Variants in ME3 observed in about 807,000 individuals in gnomAD.
The protein encoded by ME3 is malic enzyme 3, also known as NADP-dependent malic enzyme, mitochondrial.
ME3 carries 48 observed loss-of-function variants against 68.9 expected under a neutral mutation model. The ratio of observed to expected loss-of-function variants is 0.70; its 90% CI spans 0.55 to 0.89. The LOEUF is 0.89. ME3 is among the 40% of genes least tolerant of loss of function. ME3 has a pLI of 0.00. For missense variants in ME3, 675 were observed against 797.4 expected (o/e 0.85, Z 1.85); for synonymous variants, 320 against 318.8 (o/e 1.00, Z -0.04).
In ME3 at chr11:86,574,401, G is replaced by GTC. The variant is rs759945951; in HGVS notation, c.184-14579_184-14578insGA. ...TTTGGATGGGGTATTTGTTGCCGGG[G>GTC]GGGGGGGGGGTGTCTTTTTTGTTGA... On this transcript the variant is annotated intron_variant, in intron 2 of 14. Transcript: ENST00000543262. Among the ~76,000 whole-genome samples the GTC allele has an allele frequency of 3.2e-3, 192 of 59,730 alleles. 6 individuals are homozygous for GTC. Among genetic ancestry groups the GTC allele is most frequent in the Non-Finnish European group, 5.4e-3 (110 of 20,322 alleles). The allele number at this position is 59,730 out of a possible 152,430, so 39.2% of individuals were successfully genotyped here.
intron 2 of ME3, among the ~76,000 whole-genome samples, chr11:86,668,570 C>T (rs945686577): frequency 6.6e-6 from 1 of 152,190 alleles, no homozygotes; most frequent in Non-Finnish European, 1.5e-5. Flanking sequence ...GGGGCTGTCT[C>T]CTATGATCCT....
chr11:86,458,896 A>G (rs972731481), intron 8 of ME3, among the ~76,000 whole-genome samples: 9 of 152,162 alleles, frequency 5.9e-5, no homozygotes, highest in African/African-American at 1.4e-4. Context: ...AGCCTGTGCA[A>G]AGTCCCCCAC....
At chr11:86,647,115 G>A (rs147302864) in intron 2 of ME3, among the ~76,000 whole-genome samples, 1 of 152,090 alleles carries the variant, frequency 6.6e-6, no homozygotes, top group African/African-American at 2.4e-5. Context: ...AAGTAAAGAC[G>A]ATTGACACTG....
intron 4 of ME3, among the ~76,000 whole-genome samples, chr11:86,554,397 T>G (rs1420379498): frequency 1.3e-5 from 2 of 152,232 alleles, no homozygotes; most frequent in Non-Finnish European, 2.9e-5. Context: ...TATGTTTGCA[T>G]AATTTTGGGT....
chr11:86,621,446 A>G (rs1943345175), intron 2 of ME3, among the ~76,000 whole-genome samples: 1 of 152,086 alleles, frequency 6.6e-6, no homozygotes, highest in Non-Finnish European at 1.5e-5. Flanking sequence ...AGAACTTTGA[A>G]TTATTTACAA....
intron 2 of ME3, among the ~76,000 whole-genome samples, chr11:86,623,283 T>G (rs941967665): frequency 2.6e-5 from 4 of 152,162 alleles, no homozygotes; most frequent in Non-Finnish European, 4.4e-5. Flanking sequence ...CCCTTGGATA[T>G]CAGAGCTCCT....
chr11:86,660,479 T>C (rs1946203527), intron 2 of ME3, among the ~76,000 whole-genome samples: 1 of 152,238 alleles, frequency 6.6e-6, no homozygotes, highest in South Asian at 2.1e-4. Flanking sequence ...ATATGTTTTA[T>C]TGTCATCCCT....
At chr11:86,442,568 G>C (rs1593968479) in intron 14 of ME3, among the ~76,000 whole-genome samples, 1 of 152,220 alleles carries the variant, frequency 6.6e-6, no homozygotes, top group Admixed American at 6.5e-5. Flanking sequence ...CTGGTCCACA[G>C]ACATTGATGA....
chr11:86,479,814 T>C (rs375913843), intron 7 of ME3, among the ~76,000 whole-genome samples: 1 of 133,162 alleles, frequency 7.5e-6, no homozygotes, highest in Non-Finnish European at 1.7e-5. Context: ...TGATGTCTTT[T>C]TTTCTTTCTT....
At chr11:86,546,481 C>A (rs1276937617) in intron 4 of ME3, among the ~76,000 whole-genome samples, 1 of 152,164 alleles carries the variant, frequency 6.6e-6, no homozygotes, top group Non-Finnish European at 1.5e-5. Context: ...AATAAACAGA[C>A]AACCCCATCA....
chr11:86,654,637 A>G (rs1945725945), intron 2 of ME3, among the ~76,000 whole-genome samples: 1 of 152,238 alleles, frequency 6.6e-6, no homozygotes, highest in Non-Finnish European at 1.5e-5. Context: ...CACAGCCAAT[A>G]TCATACTGAA....
At chr11:86,660,680 T>G (rs1946217190) in intron 2 of ME3, among the ~76,000 whole-genome samples, 1 of 152,136 alleles carries the variant, frequency 6.6e-6, no homozygotes, top group Admixed American at 6.5e-5. Context: ...GCTGACTACT[T>G]TCCTTTACTC....
exon 4 of ME3, chr11:86,556,670 T>C (rs765168533): frequency 6.2e-7 from 1 of 1,614,164 alleles, no homozygotes; most frequent in Non-Finnish European, 8.5e-7. Context: ...GAGCTTCTCG[T>C]TCCGGTCTTG....
rs751020021 is a variant in ME3, at chr11:86,559,836, GGAAAA to G, written c.184-18_184-14del. 2.8e-4 allele frequency: 455 copies of G among 1,612,334 alleles called. No homozygotes were observed. Among genetic ancestry groups the G allele is most frequent in the Admixed American group, 7.0e-4 (42 of 59,946 alleles). On this transcript the variant is annotated splice_polypyrimidine_tract_variant and intron_variant, in intron 2 of 14. Transcript: ENST00000543262. ...TAAAGGCCATCCCCTGGGAAAAACA[GGAAAA>G]GAACACCCACACATAAGTGCATACT...
intron 7 of ME3, among the ~76,000 whole-genome samples, chr11:86,479,615 G>T (rs542331634): frequency 5.9e-5 from 9 of 151,918 alleles, no homozygotes; most frequent in Non-Finnish European, 1.3e-4. Flanking sequence ...TTCTCCTGCT[G>T]CTTACTTGAA....
intron 2 of ME3, among the ~76,000 whole-genome samples, chr11:86,591,345 A>G (rs1399437979): frequency 6.6e-6 from 1 of 152,214 alleles, no homozygotes; most frequent in Non-Finnish European, 1.5e-5. Flanking sequence ...GTACCTCACA[A>G]TATGATTGTA....
At chr11:86,535,059 G>T (rs1955555788) in intron 4 of ME3, among the ~76,000 whole-genome samples, 1 of 152,094 alleles carries the variant, frequency 6.6e-6, no homozygotes, top group South Asian at 2.1e-4. Flanking sequence ...CTCAAACACT[G>T]CCCTCTCAGT....
exon 2 of ME3, chr11:86,671,819 G>T: frequency 6.2e-7 from 1 of 1,601,900 alleles, no homozygotes; most frequent in Non-Finnish European, 8.5e-7. Flanking sequence ...GGGGCACAGG[G>T]CGCGCCGGGC....
At chr11:86,560,113 T>C (rs1033802279) in intron 2 of ME3, among the ~76,000 whole-genome samples, 3 of 152,230 alleles carry the variant, frequency 2.0e-5, no homozygotes, top group African/African-American at 7.2e-5. Context: ...AACAGTGATA[T>C]GGTTTGTCTC....
Sources: allele counts gnomAD v4.1 joint callset (sites outside exome capture counted in the v4.1 genomes callset), GRCh38; gene constraint gnomAD v4.1.1; transcripts MANE v1.5; gene names NCBI Gene and HGNC (gene_info 2026-07-23, HGNC 2026-07-21).